The following APP variants were observed in gnomAD, a reference collection of about 807,000 sequenced individuals.
APP encodes the protein amyloid beta precursor protein.
In APP, 31 loss-of-function variants were observed where a neutral mutation model predicts 101.4. That is an observed-to-expected ratio of 0.31 (90% CI 0.23 to 0.41). The LOEUF is 0.41. Ranked by LOEUF, APP falls within the 10% of genes least tolerant of loss-of-function variation. The pLI is 1.00. For synonymous variants in APP, 366 were observed against 364.4 expected (o/e 1.00, Z -0.05); for missense variants, 839 against 1,003.7 (o/e 0.84, Z 2.22).
At chr21:25,929,539 G>GGACACA (rs372847305) in intron 13 of APP, among the ~76,000 whole-genome samples, 82 of 152,096 alleles carry the variant, frequency 5.4e-4, no homozygotes, top group African/African-American at 2.0e-3. Flanking sequence ...TTAGGCCTGA[G>GGACACA]GACACAGAGG....
At chr21:26,153,694 G>A (rs548641487) in intron 1 of APP, among the ~76,000 whole-genome samples, 18 of 152,206 alleles carry the variant, frequency 1.2e-4, no homozygotes, top group South Asian at 4.2e-4. Context: ...AACTTCAATC[G>A]TTTTCATCAG....
At chr21:25,963,924 T>C (rs1289832788) in intron 11 of APP, among the ~76,000 whole-genome samples, 4 of 152,170 alleles carry the variant, frequency 2.6e-5, no homozygotes. Context: ...GGGCAAATGA[T>C]AATCCCATGC....
At chr21:26,007,508 T>A (rs2043590155) in intron 6 of APP, among the ~76,000 whole-genome samples, 1 of 148,838 alleles carries the variant, frequency 6.7e-6, no homozygotes, top group African/African-American at 2.4e-5. Flanking sequence ...TTATATACAT[T>A]TTATATAAAT....
In APP at chr21:25,890,618, A is replaced by G. The variant is rs182242407; in HGVS notation, c.2211+1104T>C. On this transcript the variant is annotated intron_variant, in intron 17 of 17. Coordinates refer to ENST00000346798, the MANE Select transcript of APP (RefSeq NM_000484.4). ...GCCGGGCATGGTGGCGTGTGCCCAT[A>G]GTCCCAGCTACTCAGGAAGCTGAGA... Among the ~76,000 whole-genome samples, 434 of 150,950 alleles carry G rather than the reference A, an allele frequency of 2.9e-3. 1 individual carries two copies. Among genetic ancestry groups the G allele is most frequent in the African/African-American group, 0.01 (416 of 41,234 alleles).
At chr21:25,976,126 C>G in intron 9 of APP, 98 bp from the exon 10 acceptor site, 2 of 1,059,200 alleles carry the variant, frequency 1.9e-6, no homozygotes, top group Non-Finnish European at 2.9e-6. Flanking sequence ...CTATTTTTGT[C>G]ATTTTAGATA....
Position 26,129,576 on chromosome 21 carries a change from G to C in APP, c.58-17430C>G, listed in dbSNP as rs45584441. Among the ~76,000 whole-genome samples the C allele has an allele frequency of 6.2e-3, 950 of 152,146 alleles. 5 individuals carry two copies. Among genetic ancestry groups the C allele is most frequent in the Middle Eastern group, 0.037 (11 of 294 alleles). ...TAAATTTTCACTTAGCGATATAAAC[G>C]TGAGATGGCTAATGACAAGCAGATG... On this transcript the variant is annotated intron_variant, in intron 1 of 17. Coordinates refer to ENST00000346798, the MANE Select transcript of APP (RefSeq NM_000484.4).
At chr21:25,896,888 A>G (rs528142650) in intron 16 of APP, among the ~76,000 whole-genome samples, 3 of 152,172 alleles carry the variant, frequency 2.0e-5, no homozygotes, top group African/African-American at 7.2e-5. Context: ...GGGAGAAATG[A>G]ATGGGTAAAG....
intron 1 of APP, among the ~76,000 whole-genome samples, chr21:26,146,529 A>G (rs956732880): frequency 5.9e-5 from 9 of 152,220 alleles, no homozygotes; most frequent in African/African-American, 2.2e-4. Flanking sequence ...CACGTCTAAT[A>G]GAGATTCTGT....
chr21:26,147,043 C>T (rs952350223), intron 1 of APP, among the ~76,000 whole-genome samples: 2 of 152,192 alleles, frequency 1.3e-5, no homozygotes, highest in South Asian at 2.1e-4. Flanking sequence ...TTCCAGTTTG[C>T]CCCATTGACC....
chr21:25,954,240 GT>G (rs1485586317), intron 13 of APP, among the ~76,000 whole-genome samples: 1 of 152,128 alleles, frequency 6.6e-6, no homozygotes. Context: ...TGAAGAATGA[GT>G]TTTTTTCCCC....
Position 26,086,614 on chromosome 21 carries a change from T to A in APP, c.355+3329A>T, listed in dbSNP as rs1238258037. 3.3e-5 allele frequency among the ~76,000 whole-genome samples: 5 copies of A among 152,078 alleles called. No individual in the cohort carries two copies. In the East Asian group the frequency reaches 9.6e-4, roughly 29 times the overall value. On this transcript the variant is annotated intron_variant, in intron 3 of 17. Coordinates refer to ENST00000346798, the MANE Select transcript of APP (RefSeq NM_000484.4). ...ATATATTTGGATACAGTCAAGAGATTTTAGAGCATACTTATGTTAATGCTG... is the reference window on the plus strand; with the variant it reads ...ATATATTTGGATACAGTCAAGAGATATTAGAGCATACTTATGTTAATGCTG...
intron 15 of APP, among the ~76,000 whole-genome samples, chr21:25,902,369 C>CG (rs970244524): frequency 6.6e-6 from 1 of 152,196 alleles, no homozygotes; most frequent in African/African-American, 2.4e-5. Flanking sequence ...CTACAAAACA[C>CG]GGGGAAATTA....
intron 1 of APP, among the ~76,000 whole-genome samples, chr21:26,149,118 G>C (rs1354252657): frequency 6.6e-6 from 1 of 152,198 alleles, no homozygotes; most frequent in Admixed American, 6.5e-5. Context: ...GGGCCTTACT[G>C]ATTACTTTAG....
chr21:26,102,707 A>G (rs565845425), intron 2 of APP, among the ~76,000 whole-genome samples: 3 of 151,988 alleles, frequency 2.0e-5, no homozygotes, highest in East Asian at 3.9e-4. Flanking sequence ...CCTGGCCAAC[A>G]TGGTGAAACC....
At chr21:26,093,214 C>T (rs2061864761) in intron 2 of APP, among the ~76,000 whole-genome samples, 1 of 152,036 alleles carries the variant, frequency 6.6e-6, no homozygotes, top group South Asian at 2.1e-4. Context: ...ATAATTCTCC[C>T]ACCGTCTTTA....
At chr21:26,076,830 G>A (rs571737640) in intron 3 of APP, among the ~76,000 whole-genome samples, 9 of 152,242 alleles carry the variant, frequency 5.9e-5, no homozygotes, top group Non-Finnish European at 1.0e-4. Flanking sequence ...TTGGGAGGCC[G>A]AGGTGGGCGG....
chr21:26,142,496 C>T (rs907965697), intron 1 of APP, among the ~76,000 whole-genome samples: 2 of 152,168 alleles, frequency 1.3e-5, no homozygotes, highest in South Asian at 2.1e-4. Flanking sequence ...GGGCCAGGCA[C>T]GGTGGTTGAT....
intron 1 of APP, among the ~76,000 whole-genome samples, chr21:26,121,632 G>A (rs548498142): frequency 2.6e-5 from 4 of 152,080 alleles, no homozygotes; most frequent in South Asian, 4.2e-4. Flanking sequence ...GTGAGCCACC[G>A]CGCCTGGCCT....
At chr21:26,096,699 C>T (rs950370177) in intron 2 of APP, among the ~76,000 whole-genome samples, 2 of 152,082 alleles carry the variant, frequency 1.3e-5, no homozygotes, top group African/African-American at 2.4e-5. Flanking sequence ...ACAGCTTAAG[C>T]GAGGAGGTCG....
Sources: gnomAD v4.1 joint callset for allele counts (sites outside exome capture counted in the v4.1 genomes callset) on GRCh38, gnomAD v4.1.1 for gene constraint, MANE v1.5 for transcripts, NCBI Gene and HGNC (gene_info 2026-07-23, HGNC 2026-07-21) for gene names.